OPHN1: variants seen among roughly 807,000 people sequenced by gnomAD.
OPHN1 encodes oligophrenin-1.
A neutral mutation model predicts 60.7 loss-of-function variants in OPHN1; 11 were observed. That is an observed-to-expected ratio of 0.18 (90% CI 0.11 to 0.30). The LOEUF (loss-of-function observed/expected upper bound fraction) is 0.30. OPHN1 is among the 10% of genes least tolerant of loss of function. The pLI is 1.00. For missense variants in OPHN1, 449 were observed against 611.0 expected, an observed-to-expected ratio of 0.73 and a Z score of 2.80; for synonymous variants, 226 against 222.6, an observed-to-expected ratio of 1.02 and a Z score of -0.14.
At chrX:68,209,276 A>C (rs1435175429) in intron 9 of OPHN1, among the ~76,000 whole-genome samples, 7 of 112,385 alleles carry the variant, frequency 6.2e-5, no homozygotes, top group African/African-American at 2.3e-4. Flanking sequence ...TGACTAAACA[A>C]GTTAACCCAC....
chrX:68,089,493 T>C (rs2077008228), intron 19 of OPHN1, among the ~76,000 whole-genome samples: 1 of 111,763 alleles, frequency 8.9e-6, no homozygotes, highest in Non-Finnish European at 1.9e-5. Flanking sequence ...CATAAAGTTG[T>C]GAGAAATCGA....
intron 19 of OPHN1, among the ~76,000 whole-genome samples, chrX:68,077,262 T>C (rs1472607825): frequency 9.0e-6 from 1 of 111,301 alleles, no homozygotes; most frequent in African/African-American, 3.3e-5. Flanking sequence ...ATTTGGTTTA[T>C]CCATATTGGG....
intron 2 of OPHN1, among the ~76,000 whole-genome samples, chrX:68,304,949 C>G (rs909536904): frequency 1.8e-5 from 2 of 111,692 alleles, no homozygotes; most frequent in African/African-American, 6.5e-5. Flanking sequence ...AACAACACTG[C>G]TATTGGGGAA....
At chrX:68,192,163 A>G (rs951189028) in intron 15 of OPHN1, among the ~76,000 whole-genome samples, 1 of 111,928 alleles carries the variant, frequency 8.9e-6, no homozygotes, top group African/African-American at 3.2e-5. Flanking sequence ...TAAAAAACAG[A>G]AAGATAAAGG....
At chrX:68,372,720 G>A (rs908856340) in intron 2 of OPHN1, among the ~76,000 whole-genome samples, 1 of 110,688 alleles carries the variant, frequency 9.0e-6, no homozygotes, top group Non-Finnish European at 1.9e-5. Context: ...CAAAGACCAT[G>A]TCAATTGCAG....
intron 2 of OPHN1, among the ~76,000 whole-genome samples, chrX:68,357,079 C>T (rs2078444674): frequency 9.0e-6 from 1 of 110,809 alleles, no homozygotes; most frequent in Admixed American, 9.7e-5. Flanking sequence ...CAAAACTCTG[C>T]GAATATACTA....
At position 68,086,642 on chromosome X, in the gene OPHN1, C is replaced by A. The variant is rs150972669; in HGVS notation, c.1686+10228G>T. Among the ~76,000 whole-genome samples, 235 of 112,069 alleles carry A rather than the reference C, an allele frequency of 2.1e-3. 1 individual carries two copies. Among genetic ancestry groups the A allele is most frequent in the African/African-American group, 7.5e-3 (231 of 30,881 alleles). On this transcript the variant is annotated intron_variant, in intron 19 of 24. Transcript: ENST00000355520. Reference sequence around the variant, plus strand: ...CCACAAAATAAATCCCTCTATCTACCCCTTTCCACAGGATTAAGGGAGGAA... The same window carrying A: ...CCACAAAATAAATCCCTCTATCTACACCTTTCCACAGGATTAAGGGAGGAA...
chrX:68,327,988 C>T (rs1166730473), intron 2 of OPHN1, among the ~76,000 whole-genome samples: 1 of 100,529 alleles, frequency 9.9e-6, no homozygotes, highest in Non-Finnish European at 2.0e-5. Flanking sequence ...CGCCACCGCG[C>T]CCGGCTAATT....
At chrX:68,055,185 G>A (rs187565235) in intron 21 of OPHN1, among the ~76,000 whole-genome samples, 6 of 111,922 alleles carry the variant, frequency 5.4e-5, no homozygotes, top group Admixed American at 9.5e-5. Flanking sequence ...ACTTCTAAGT[G>A]AGACAGAGTC....
At chrX:68,198,210 T>C (rs1407632952) in intron 11 of OPHN1, among the ~76,000 whole-genome samples, 2 of 111,141 alleles carry the variant, frequency 1.8e-5, no homozygotes, top group African/African-American at 6.6e-5. Flanking sequence ...GTCATAAGGG[T>C]AGAACCTCAT....
intron 21 of OPHN1, among the ~76,000 whole-genome samples, chrX:68,055,719 A>G (rs1312916431): frequency 8.9e-6 from 1 of 112,444 alleles, no homozygotes; most frequent in Non-Finnish European, 1.9e-5. Flanking sequence ...TCCATCAATG[A>G]TAGACTGGAT....
intron 15 of OPHN1, among the ~76,000 whole-genome samples, chrX:68,178,936 T>C (rs2077425404): frequency 8.9e-6 from 1 of 112,089 alleles, no homozygotes; most frequent in African/African-American, 3.2e-5. Flanking sequence ...GACTGCATTA[T>C]ATTTATACAG....
chrX:68,070,842 T>C (rs879225446), intron 20 of OPHN1: 1 of 1,177,545 alleles, frequency 8.5e-7, no homozygotes, highest in African/African-American at 1.7e-5. Context: ...CCAAGCCCAT[T>C]CAGCCAGCAG....
chrX:68,360,048 G>A (rs950708842), intron 2 of OPHN1, among the ~76,000 whole-genome samples: 5 of 110,565 alleles, frequency 4.5e-5, no homozygotes, highest in Non-Finnish European at 9.4e-5. Context: ...GTTTTCCTGT[G>A]AGGATTAAAT....
Position 68,234,723 on chromosome X carries a change from C to T in OPHN1, c.385-135G>A, listed in dbSNP as rs141996735. 671 of 509,479 alleles carry T rather than the reference C, an allele frequency of 1.3e-3. 6 individuals carry two copies. Among genetic ancestry groups the T allele is most frequent in the African/African-American group, 0.013 (558 of 42,507 alleles). The allele number at this position is 509,479 out of a possible 1,213,427, so 42.0% of individuals were successfully genotyped here. ...AGCTCCTGGAAGGAAAAAAAAGCAA[C>T]GGAGAATTAACTTTGTATTGGTCTC... On this transcript the variant is annotated intron_variant, in intron 5 of 24. Coordinates refer to ENST00000355520, the MANE Select transcript of OPHN1 (RefSeq NM_002547.3).
At position 68,052,289 on chromosome X, in the gene OPHN1, C is replaced by CAA. The variant is rs72307579; in HGVS notation, c.2375+249_2375+250dup. 0.058 allele frequency among the ~76,000 whole-genome samples: 3,537 copies of CAA among 61,083 alleles called. 137 individuals are homozygous for CAA. The highest frequency in any genetic ancestry group is 0.094 in the Non-Finnish European group (2,880 of 30,520). The allele number at this position is 61,083 out of a possible 115,157, so 53.0% of individuals were successfully genotyped here. A position where few individuals can be genotyped will look rare whatever the true frequency, so the allele number is the denominator to read the frequency against. ...TGGGCAACAGAGTGAGACACCATCT[C>CAA]AAAAAAAAAAAAAAAAGGACAGAGA... On this transcript the variant is annotated intron_variant, in intron 23 of 24. Transcript: ENST00000355520.
intron 6 of OPHN1, among the ~76,000 whole-genome samples, chrX:68,228,310 G>A (rs776598833): frequency 1.7e-4 from 19 of 111,922 alleles, no homozygotes; most frequent in Non-Finnish European, 3.0e-4. Flanking sequence ...TGGATTCACA[G>A]CCAAATTCTA....
intron 15 of OPHN1, among the ~76,000 whole-genome samples, chrX:68,135,202 C>A (rs1421401363): frequency 8.9e-6 from 1 of 111,747 alleles, no homozygotes; most frequent in Non-Finnish European, 1.9e-5. Context: ...TAATGAATAT[C>A]TTTGACTTAA....
At chrX:68,389,740 T>C (rs1050167751) in intron 2 of OPHN1, among the ~76,000 whole-genome samples, 1 of 108,863 alleles carries the variant, frequency 9.2e-6, no homozygotes, top group African/African-American at 3.3e-5. Flanking sequence ...GTTAAGAGTG[T>C]TGAATCTGGA....
Sources: allele counts gnomAD v4.1 joint callset (sites outside exome capture counted in the v4.1 genomes callset), GRCh38; gene constraint gnomAD v4.1.1; transcripts MANE v1.5; gene names NCBI Gene and HGNC (gene_info 2026-07-23, HGNC 2026-07-21).